The following TANC2 variants were observed in gnomAD, a reference collection of about 807,000 sequenced individuals.
TANC2 encodes protein TANC2.
In TANC2, 26 loss-of-function variants were observed where a neutral mutation model predicts 210.5. The observed-to-expected ratio is 0.12, with a 90% CI of 0.09 to 0.17. TANC2 has a LOEUF of 0.17. Among genes scored for constraint, TANC2 ranks in the 10% least tolerant of loss-of-function variants. The pLI is 1.00. For synonymous variants in TANC2, 931 were observed against 967.1 expected (o/e 0.96, Z 0.69); for missense variants, 2,129 against 2,608.9 (o/e 0.82, Z 4.01).
At chr17:63,271,142 C>G (rs1042001216) in intron 9 of TANC2, among the ~76,000 whole-genome samples, 9 of 152,102 alleles carry the variant, frequency 5.9e-5, no homozygotes, top group Non-Finnish European at 1.3e-4. Context: ...GTGCATGTGT[C>G]TTTATGATAA....
chr17:63,305,539 T>A (rs1187583034), intron 9 of TANC2: 1 of 152,298 alleles, frequency 6.6e-6, no homozygotes. Flanking sequence ...TGATTTCCCT[T>A]TTTTCTTCTG....
chr17:63,103,575 A>G (rs949020352), intron 4 of TANC2, among the ~76,000 whole-genome samples: 3 of 152,208 alleles, frequency 2.0e-5, no homozygotes, highest in African/African-American at 4.8e-5. Context: ...AAATGGGGAT[A>G]ACAATAATAC....
At chr17:62,973,963 G>A (rs2031855541) in intron 1 of TANC2, among the ~76,000 whole-genome samples, 1 of 152,230 alleles carries the variant, frequency 6.6e-6, no homozygotes, top group African/African-American at 2.4e-5. Flanking sequence ...GGGTGCAGCA[G>A]CAGAGTTGAC....
intron 14 of TANC2, among the ~76,000 whole-genome samples, chr17:63,365,264 G>T (rs888955684): frequency 2.7e-5 from 4 of 149,062 alleles, no homozygotes; most frequent in African/African-American, 1.0e-4. Flanking sequence ...CACTAATAGC[G>T]TTCCATCCTG....
intron 12 of TANC2, among the ~76,000 whole-genome samples, chr17:63,342,338 A>G (rs919176022): frequency 2.6e-5 from 4 of 152,182 alleles, no homozygotes; most frequent in African/African-American, 9.7e-5. Context: ...TGAAATTAGG[A>G]ACTTTGTAAA....
intron 6 of TANC2, chr17:63,197,686 A>C (rs2041390330): frequency 6.6e-6 from 1 of 152,190 alleles, no homozygotes; most frequent in Admixed American, 6.5e-5. Flanking sequence ...TTTCCTCTTT[A>C]GCTTCTTATG....
intron 18 of TANC2, chr17:63,396,203 A>G (rs1373765221): frequency 2.7e-6 from 1 of 372,954 alleles, no homozygotes; most frequent in Non-Finnish European, 4.9e-6. Context: ...AGACAGTGGC[A>G]CCAAGGCTCA....
At chr17:63,332,022 T>G in intron 11 of TANC2, 1 of 280,678 alleles carries the variant, frequency 3.6e-6, no homozygotes, top group Non-Finnish European at 7.1e-6. Flanking sequence ...ATCATCCACC[T>G]CTGGCTGTTT....
At chr17:63,160,203 T>TGGG (rs1003431969) in intron 5 of TANC2, among the ~76,000 whole-genome samples, 6 of 152,170 alleles carry the variant, frequency 3.9e-5, no homozygotes, top group Non-Finnish European at 1.5e-5. Context: ...CAAATAAATT[T>TGGG]GGGGGAGACA....
chr17:63,237,010 G>T (rs773468464), intron 7 of TANC2, among the ~76,000 whole-genome samples: 1 of 152,176 alleles, frequency 6.6e-6, no homozygotes, highest in Non-Finnish European at 1.5e-5. Context: ...TAGTTACCCA[G>T]TGGTGGAATT....
rs192533743 is a variant in TANC2, at chr17:63,386,048, C to G, written c.2692-2587C>G. 1.0e-3 allele frequency among the ~76,000 whole-genome samples: 156 copies of G among 152,324 alleles called. 1 individual carries two copies. Among genetic ancestry groups the G allele is most frequent in the African/African-American group, 3.6e-3 (150 of 41,572 alleles). ...TTTGTTGAGAATGTATAAACACTTGCAGCCACTTTGATAAAGCCATGTCAA... is the reference window on the plus strand; with the variant it reads ...TTTGTTGAGAATGTATAAACACTTGGAGCCACTTTGATAAAGCCATGTCAA... On this transcript the variant is annotated intron_variant, in intron 15 of 27. Transcript: ENST00000689528.
At chr17:63,081,892 C>T (rs1482140164) in intron 3 of TANC2, among the ~76,000 whole-genome samples, 4 of 152,080 alleles carry the variant, frequency 2.6e-5, no homozygotes, top group South Asian at 2.1e-4. Flanking sequence ...AGGCCGGGCA[C>T]GGTGCCTCAT....
At chr17:63,108,157 G>C (rs887063969) in intron 4 of TANC2, among the ~76,000 whole-genome samples, 1 of 151,650 alleles carries the variant, frequency 6.6e-6, no homozygotes, top group Non-Finnish European at 1.5e-5. Context: ...GGAACACTAG[G>C]CATAAATGAG....
At chr17:63,153,926 A>G (rs1229445535) in intron 5 of TANC2, 7 of 152,142 alleles carry the variant, frequency 4.6e-5, no homozygotes, top group East Asian at 1.9e-4. Context: ...AACCAAACCA[A>G]TTCACTGATG....
chr17:63,391,697 C>T (rs2047981192), intron 17 of TANC2: 1 of 151,918 alleles, frequency 6.6e-6, no homozygotes, highest in Non-Finnish European at 1.5e-5. Context: ...CATCTCTGAG[C>T]CCCTCCATAG....
rs16946849 is a variant in TANC2, at chr17:63,295,602, A to G, written c.1160-18786A>G. 4.1e-3 allele frequency among the ~76,000 whole-genome samples: 620 copies of G among 152,348 alleles called. 5 individuals carry two copies. Among genetic ancestry groups the G allele is most frequent in the African/African-American group, 0.014 (601 of 41,592 alleles). ...AGCATGAAAATTCCTAAAGGGAAGT[A>G]CAAAGAGAGATAAGGGGAAAGAAGC... On this transcript the variant is annotated intron_variant, in intron 9 of 27. Coordinates refer to ENST00000689528, the Ensembl canonical transcript of TANC2.
chr17:63,142,434 C>T (rs1157098306), intron 4 of TANC2, among the ~76,000 whole-genome samples: 1 of 152,052 alleles, frequency 6.6e-6, no homozygotes, highest in African/African-American at 2.4e-5. Context: ...TCTGCAGAGT[C>T]AATAGTGATG....
At chr17:63,372,286 T>C (rs1411574430) in intron 14 of TANC2, among the ~76,000 whole-genome samples, 2 of 152,182 alleles carry the variant, frequency 1.3e-5, no homozygotes, top group Non-Finnish European at 2.9e-5. Context: ...TTGCATTTGC[T>C]AGCAGTGAAC....
intron 4 of TANC2, among the ~76,000 whole-genome samples, chr17:63,103,094 G>C (rs2037690756): frequency 6.7e-6 from 1 of 148,486 alleles, no homozygotes; most frequent in Admixed American, 6.6e-5. Flanking sequence ...TGGATACTGG[G>C]GGACAGCCAC....
Sources: gnomAD v4.1 joint callset for allele counts (sites outside exome capture counted in the v4.1 genomes callset) on GRCh38, gnomAD v4.1.1 for gene constraint, MANE v1.5 for transcripts, NCBI Gene and HGNC (gene_info 2026-07-23, HGNC 2026-07-21) for gene names.